The following CDH23 variants were observed in gnomAD, a reference collection of about 807,000 sequenced individuals.
The protein encoded by CDH23 is cadherin-23.
CDH23 carries 189 observed loss-of-function variants against 317.1 expected under a neutral mutation model. That is an observed-to-expected ratio of 0.60 (90% CI 0.53 to 0.67). The LOEUF (loss-of-function observed/expected upper bound fraction) is 0.67, where lower values mean the gene tolerates loss of function less well. CDH23 is among the 30% of genes least tolerant of loss of function. The pLI, the probability that CDH23 is intolerant of heterozygous loss-of-function variation, is 0.00. For synonymous variants in CDH23, 1,839 were observed against 1,876.8 expected (o/e 0.98, Z 0.52); for missense variants, 4,401 against 4,592.4 (o/e 0.96, Z 1.20).
chr10:71,594,175 G>A (rs1350802447), intron 9 of CDH23, among the ~76,000 whole-genome samples: 1 of 152,160 alleles, frequency 6.6e-6, no homozygotes, highest in East Asian at 1.9e-4. Context: ...CTCCAGTTAA[G>A]CAAAATGTTA....
chr10:71,649,191 G>A (rs1049668023), intron 14 of CDH23, among the ~76,000 whole-genome samples: 6 of 152,086 alleles, frequency 3.9e-5, no homozygotes, highest in South Asian at 2.1e-4. Context: ...TCCTTCACCC[G>A]GCAGCTCTCT....
intron 28 of CDH23, among the ~76,000 whole-genome samples, chr10:71,718,304 C>T (rs1427781370): frequency 2.0e-5 from 3 of 152,262 alleles, no homozygotes; most frequent in Admixed American, 2.0e-4. Flanking sequence ...CAGGACCTCA[C>T]TCCTGGCTCC....
At chr10:71,512,889 C>A (rs1015297034) in intron 6 of CDH23, among the ~76,000 whole-genome samples, 1 of 152,166 alleles carries the variant, frequency 6.6e-6, no homozygotes, top group African/African-American at 2.4e-5. Flanking sequence ...TGTGCAGAGA[C>A]CTGGGAGGCC....
chr10:71,447,803 A>G (rs1564586298), intron 3 of CDH23, among the ~76,000 whole-genome samples: 1 of 152,042 alleles, frequency 6.6e-6, no homozygotes, highest in Non-Finnish European at 1.5e-5. Context: ...ATATTTGTGG[A>G]CGACTGGACT....
chr10:71,540,419 C>T (rs571741275), intron 6 of CDH23, among the ~76,000 whole-genome samples: 8 of 152,244 alleles, frequency 5.3e-5, no homozygotes, highest in Middle Eastern at 3.4e-3. Flanking sequence ...ATGTCTCACC[C>T]GCCCCAGCCT....
chr10:71,431,499 A>G (rs1485744655), intron 1 of CDH23, among the ~76,000 whole-genome samples: 1 of 152,188 alleles, frequency 6.6e-6, no homozygotes, highest in African/African-American at 2.4e-5. Context: ...TAGCAGCCCT[A>G]ATGGTGTCAT....
chr10:71,731,348 C>T (rs1260518395), intron 31 of CDH23, among the ~76,000 whole-genome samples: 1 of 152,184 alleles, frequency 6.6e-6, no homozygotes, highest in Admixed American at 6.5e-5. Flanking sequence ...CTGTGGCATG[C>T]ATGGGATGGG....
At chr10:71,616,676 G>A (rs1481088891) in intron 10 of CDH23, among the ~76,000 whole-genome samples, 1 of 152,194 alleles carries the variant, frequency 6.6e-6, no homozygotes, top group Non-Finnish European at 1.5e-5. Context: ...TCAGAACTGG[G>A]AATGGGCACT....
intron 69 of CDH23, among the ~76,000 whole-genome samples, chr10:71,814,174 C>T (rs1174405589): frequency 1.3e-5 from 2 of 152,218 alleles, no homozygotes; most frequent in African/African-American, 4.8e-5. Flanking sequence ...AGGTGATCTG[C>T]TTGAGGCCAA....
At chr10:71,780,028 T>A (rs1385341023) in intron 41 of CDH23, among the ~76,000 whole-genome samples, 1 of 152,176 alleles carries the variant, frequency 6.6e-6, no homozygotes, top group Non-Finnish European at 1.5e-5. Context: ...TAGGAAAGAA[T>A]CAGGAGCAGT....
Position 71,812,528 on chromosome 10 carries a change from C to T in CDH23, c.9429C>T (p.Ala3143=), listed in dbSNP as rs1000025762. The stretch of plus-strand genomic sequence containing the variant: ...CCTTCTGTCGGAACCTGGAGCTGGC[C>T]GCCCAGGCGGAGCATGAGGATGACC... ...LDPFCRNLEL[A]AQAEHEDDLP... The change falls in exon 67 of 70, where the codon GCC becomes GCT. Residue 3143 remains alanine, a synonymous_variant. Coordinates refer to ENST00000224721, the MANE Select transcript of CDH23 (RefSeq NM_022124.6). The T allele has an allele frequency of 2.0e-5, 32 of 1,613,868 alleles. No individual in the cohort carries two copies. Among genetic ancestry groups the T allele is most frequent in the East Asian group, 8.9e-5 (4 of 44,882 alleles).
At position 71,793,474 on chromosome 10, in the gene CDH23, C is replaced by T. The variant is rs749008207; in HGVS notation, c.6546C>T (p.Ser2182=). 8 of 1,613,998 alleles carry T rather than the reference C, an allele frequency of 5.0e-6. No individual in the cohort carries two copies. Among genetic ancestry groups the T allele is most frequent in the Middle Eastern group, 1.6e-4 (1 of 6,062 alleles). Residue 2182 remains serine, a synonymous_variant, in exon 48 of 70, where the codon AGC becomes AGT. Coordinates refer to ENST00000224721, the MANE Select transcript of CDH23 (RefSeq NM_022124.6). ...TCCTCAACCCCATCCAGACAGTGAG[C>T]GTGCTGGAGTCGGCTGAGCCAGGCA... ...PEFLNPIQTV[S]VLESAEPGTV...
chr10:71,811,050 C>G (rs1468684694), intron 62 of CDH23, among the ~76,000 whole-genome samples: 1 of 141,808 alleles, frequency 7.1e-6, no homozygotes, highest in Non-Finnish European at 1.5e-5. Context: ...ACACTGCACT[C>G]CAGCCTGGGC....
chr10:71,500,824 T>C (rs1311482299), intron 3 of CDH23, among the ~76,000 whole-genome samples: 1 of 142,578 alleles, frequency 7.0e-6, no homozygotes, highest in Non-Finnish European at 1.5e-5. Flanking sequence ...CTTTTCTCTT[T>C]CCTTTCCTTT....
chr10:71,808,375 CCATCTGTCCATCCATCCTGCTTTCATT>C (rs1216520678), intron 60 of CDH23, among the ~76,000 whole-genome samples: 44 of 152,306 alleles, frequency 2.9e-4, no homozygotes, highest in African/African-American at 7.9e-4. Context: ...ATCCTTTCTT[CCATCTGTCCATCCATCCTGCTTTCATT>C]CATCTGTCCA....
chr10:71,783,623 G>T (rs1489358061), intron 41 of CDH23, among the ~76,000 whole-genome samples: 1 of 152,212 alleles, frequency 6.6e-6, no homozygotes, highest in Non-Finnish European at 1.5e-5. Flanking sequence ...AAAGGATTCT[G>T]GGGCCACAGG....
intron 14 of CDH23, among the ~76,000 whole-genome samples, chr10:71,647,319 C>T (rs572441558): frequency 1.4e-3 from 214 of 152,204 alleles, no homozygotes; most frequent in African/African-American, 4.9e-3. Context: ...AAAAATTAGC[C>T]GGGTGTGGTG....
chr10:71,693,553 A>G (rs1865263903), intron 20 of CDH23, among the ~76,000 whole-genome samples: 1 of 152,220 alleles, frequency 6.6e-6, no homozygotes, highest in Admixed American at 6.5e-5. Flanking sequence ...ATGAGTCACA[A>G]GTTAGACGCA....
intron 6 of CDH23, among the ~76,000 whole-genome samples, chr10:71,556,129 A>G (rs1304564897): frequency 6.6e-6 from 1 of 152,222 alleles, no homozygotes; most frequent in African/African-American, 2.4e-5. Context: ...CGAGGACCTC[A>G]GTGGAGCAGT....
Sources: allele counts gnomAD v4.1 joint callset (sites outside exome capture counted in the v4.1 genomes callset), GRCh38; gene constraint gnomAD v4.1.1; transcripts MANE v1.5; gene names NCBI Gene and HGNC (gene_info 2026-07-23, HGNC 2026-07-21).